CLSTN1: variants seen among roughly 807,000 people sequenced by gnomAD.
CLSTN1 encodes the protein calsyntenin 1.
Under a neutral mutation model 108.3 loss-of-function variants are expected in CLSTN1, and 28 were observed. That is an observed-to-expected ratio of 0.26 (90% CI 0.19 to 0.35). The LOEUF (loss-of-function observed/expected upper bound fraction) is 0.35, where lower values mean the gene tolerates loss of function less well. Among genes scored for constraint, CLSTN1 ranks in the 10% least tolerant of loss-of-function variants. The pLI is 1.00. For missense variants in CLSTN1, 1,157 were observed against 1,302.6 expected (o/e 0.89, Z 1.72); for synonymous variants, 524 against 534.9 (o/e 0.98, Z 0.28).
intron 1 of CLSTN1, among the ~76,000 whole-genome samples, chr1:9,776,969 G>C (rs1313179796): frequency 6.6e-6 from 1 of 151,958 alleles, no homozygotes; most frequent in Non-Finnish European, 1.5e-5. Context: ...TGTAATCCCA[G>C]CGTGTTGGGA....
chr1:9,756,553 G>C (rs1440136484), intron 2 of CLSTN1, 43 bp from the exon 3 acceptor site: 3 of 1,564,154 alleles, frequency 1.9e-6, no homozygotes, highest in African/African-American at 1.4e-5. Flanking sequence ...ATACAGGAAA[G>C]AATGAAGATG....
chr1:9,734,874 G>C lies in CLSTN1; in HGVS notation c.2110+74C>G. The C allele has an allele frequency of 8.0e-7, 1 of 1,255,174 alleles. No individual in the cohort carries two copies. Among genetic ancestry groups the C allele is most frequent in the Non-Finnish European group, 1.2e-6 (1 of 861,632 alleles). The allele number at this position is 1,255,174 out of a possible 1,614,324, so 77.8% of individuals were successfully genotyped here. On this transcript the variant is annotated intron_variant, in intron 14 of 18. Coordinates refer to ENST00000377298, the MANE Select transcript of CLSTN1 (RefSeq NM_001009566.3). The surrounding 1 kb of genome is among the most constrained non-coding windows in gnomAD (Gnocchi z 4.8). ...TCCCCAAATCCCACAGAGACAAAGA[G>C]CCCCGCCAAGTACATGGGGACAATG...
chr1:9,744,173 C>T (rs976161781), intron 8 of CLSTN1, among the ~76,000 whole-genome samples, 168 bp from the exon 9 acceptor site: 1 of 152,220 alleles, frequency 6.6e-6, no homozygotes, highest in African/African-American at 2.4e-5. Flanking sequence ...TCCTGAGAGG[C>T]GGAGCCTGTG....
At chr1:9,748,051 A>AT (rs1193968505) in intron 7 of CLSTN1, among the ~76,000 whole-genome samples, 2 of 151,926 alleles carry the variant, frequency 1.3e-5, no homozygotes, top group Non-Finnish European at 2.9e-5. Context: ...CTAAAAAAAA[A>AT]AAAAAGAAAA....
intron 1 of CLSTN1, among the ~76,000 whole-genome samples, chr1:9,804,704 G>A (rs1419546475): frequency 1.3e-5 from 2 of 152,182 alleles, no homozygotes; most frequent in Middle Eastern, 3.4e-3. Context: ...ATTTCAGGCA[G>A]GCATGTAGTC....
In CLSTN1 at chr1:9,733,597, T is replaced by C. The variant is rs1200303966; in HGVS notation, c.2282-51A>G. Reference sequence around the variant, plus strand: ...TGCCGGGTGGCTTAGGGCAGGAGCATGGGCAGGGCTGCAGCCGTCAGCACA... The same window carrying C: ...TGCCGGGTGGCTTAGGGCAGGAGCACGGGCAGGGCTGCAGCCGTCAGCACA... On this transcript the variant is annotated intron_variant, in intron 15 of 18. Transcript: ENST00000377298. 3.7e-6 allele frequency: 6 copies of C among 1,605,182 alleles called. No individual in the cohort carries two copies. In the African/African-American group the frequency reaches 6.7e-5, roughly 18 times the overall value.
At chr1:9,750,266 CA>C (rs1651490021) in intron 5 of CLSTN1, 1 of 192,300 alleles carries the variant, frequency 5.2e-6, no homozygotes, top group East Asian at 1.3e-4. Flanking sequence ...GATCGCTGAT[CA>C]AACATTTACT....
At chr1:9,751,704 A>C (rs967824918) in intron 4 of CLSTN1, 23 bp from the exon 5 acceptor site, 22 of 1,604,466 alleles carry the variant, frequency 1.4e-5, no homozygotes, top group Non-Finnish European at 1.9e-5. Flanking sequence ...AGGGAGAAAA[A>C]TATTTTTCTG....
At chr1:9,790,211 G>A (rs1242481073) in intron 1 of CLSTN1, among the ~76,000 whole-genome samples, 1 of 151,312 alleles carries the variant, frequency 6.6e-6, no homozygotes, top group Admixed American at 6.7e-5. Flanking sequence ...GAACAGTAAT[G>A]CTTAGGGGTT....
chr1:9,786,268 G>T (rs1252197862), intron 1 of CLSTN1, among the ~76,000 whole-genome samples: 1 of 152,166 alleles, frequency 6.6e-6, no homozygotes, highest in African/African-American at 2.4e-5. Flanking sequence ...ATAGTACAGT[G>T]AAACTTTCCC....
chr1:9,811,598 C>T (rs1283658498), intron 1 of CLSTN1, among the ~76,000 whole-genome samples: 2 of 152,072 alleles, frequency 1.3e-5, no homozygotes, highest in Admixed American at 1.3e-4. Context: ...CTGTACCCCA[C>T]CTGTTACTCC....
At chr1:9,741,447 G>C (rs527750351) in intron 9 of CLSTN1, among the ~76,000 whole-genome samples, 191 bp from the exon 10 acceptor site, 1 of 152,108 alleles carries the variant, frequency 6.6e-6, no homozygotes, top group Non-Finnish European at 1.5e-5. Context: ...TCCAAACTAC[G>C]GGGGCTGCAT....
chr1:9,793,022 T>C (rs567487590), intron 1 of CLSTN1, among the ~76,000 whole-genome samples: 1 of 151,412 alleles, frequency 6.6e-6, no homozygotes, highest in South Asian at 2.2e-4. Context: ...TCCCTTTTTT[T>C]TTCTTTTGAG....
intron 18 of CLSTN1, 146 bp downstream of exon 18, chr1:9,731,060 C>G: frequency 1.1e-6 from 1 of 930,356 alleles, no homozygotes; most frequent in South Asian, 1.4e-5. Flanking sequence ...CCTCGGTTTA[C>G]CCACGAAGAC....
At chr1:9,745,616 C>T (rs1455683159) in intron 7 of CLSTN1, among the ~76,000 whole-genome samples, 1 of 151,976 alleles carries the variant, frequency 6.6e-6, no homozygotes, top group African/African-American at 2.4e-5. Context: ...GTGACTGTGC[C>T]ACTATACTCC....
intron 1 of CLSTN1, among the ~76,000 whole-genome samples, chr1:9,778,937 C>A (rs912232211): frequency 1.5e-4 from 22 of 151,642 alleles, no homozygotes; most frequent in Non-Finnish European, 3.1e-4. Flanking sequence ...GCAGGAGAAT[C>A]GCTTGAACCC....
chr1:9,801,250 GTAAA>G (rs1654251356), intron 1 of CLSTN1, among the ~76,000 whole-genome samples: 2 of 151,920 alleles, frequency 1.3e-5, no homozygotes, highest in African/African-American at 4.8e-5. Flanking sequence ...CATCTCAAAA[GTAAA>G]TAAATAAGAA....
chr1:9,735,431 G>A, intron 13 of CLSTN1, 36 bp downstream of exon 13: 1 of 1,614,020 alleles, frequency 6.2e-7, no homozygotes, highest in Non-Finnish European at 8.5e-7. Flanking sequence ...AGTGTCATTG[G>A]GCAAAACAGG....
intron 2 of CLSTN1, among the ~76,000 whole-genome samples, chr1:9,772,383 C>T (rs1652734891): frequency 6.6e-6 from 1 of 152,086 alleles, no homozygotes; most frequent in Non-Finnish European, 1.5e-5. Context: ...TCAAGGCTCA[C>T]TGCAGCCTCC....
Sources: gnomAD v4.1 joint callset for allele counts (sites outside exome capture counted in the v4.1 genomes callset) on GRCh38, gnomAD v4.1.1 for gene constraint, Gnocchi (gnomAD v3.1) non-coding constraint, MANE v1.5 for transcripts, NCBI Gene and HGNC (gene_info 2026-07-23, HGNC 2026-07-21) for gene names.